Variants in ZNF536 observed in about 807,000 individuals in gnomAD.
ZNF536 encodes the protein zinc finger protein 536.
In ZNF536, 13 loss-of-function variants were observed where a neutral mutation model predicts 84.5. The observed-to-expected ratio is 0.15, with a 90% CI of 0.10 to 0.24. The LOEUF (loss-of-function observed/expected upper bound fraction) is 0.24, where lower values mean the gene tolerates loss of function less well. Ranked by LOEUF, ZNF536 falls within the 10% of genes least tolerant of loss-of-function variation. ZNF536 has a pLI of 1.00. For missense variants in ZNF536, 1,536 were observed against 1,747.5 expected, an observed-to-expected ratio of 0.88 and a Z score of 2.16; for synonymous variants, 811 against 742.5, an observed-to-expected ratio of 1.09 and a Z score of -1.50.
intron 2 of ZNF536, among the ~76,000 whole-genome samples, chr19:30,483,395 C>T (rs1482127330): frequency 6.6e-6 from 1 of 152,076 alleles, no homozygotes; most frequent in Non-Finnish European, 1.5e-5. Context: ...CCATTGGCAC[C>T]TCAAACTCAG....
chr19:30,712,338 CCTTT>C (rs1351268949), exon 2 of ZNF536: 1 of 151,722 alleles, frequency 6.6e-6, no homozygotes, highest in African/African-American at 2.4e-5. Flanking sequence ...TAACATACTT[CCTTT>C]GAGTGACATG....
At chr19:30,483,555 T>C (rs998577887) in intron 2 of ZNF536, among the ~76,000 whole-genome samples, 13 of 123,214 alleles carry the variant, frequency 1.1e-4, no homozygotes, top group African/African-American at 4.0e-4. Context: ...TCACACCCCT[T>C]GGAGACCCCT....
At chr19:30,268,316 T>A (rs963278632) in intron 1 of ZNF536, among the ~76,000 whole-genome samples, 8 of 152,208 alleles carry the variant, frequency 5.3e-5, no homozygotes, top group African/African-American at 1.9e-4. Flanking sequence ...GCTGTGCATC[T>A]GTGGTCAGTG....
At chr19:30,313,964 C>T (rs1400978560) in intron 2 of ZNF536, among the ~76,000 whole-genome samples, 1 of 152,216 alleles carries the variant, frequency 6.6e-6, no homozygotes, top group Non-Finnish European at 1.5e-5. Flanking sequence ...TAAGGAAGTT[C>T]ATCAAAGTCC....
chr19:30,600,669 C>T (rs941708058), intron 1 of ZNF536, among the ~76,000 whole-genome samples: 1 of 152,184 alleles, frequency 6.6e-6, no homozygotes, highest in Non-Finnish European at 1.5e-5. Flanking sequence ...ATAGCCTGGC[C>T]AGCACCCCTG....
chr19:30,555,705 A>G (rs1342947775), intron 4 of ZNF536: 1 of 152,254 alleles, frequency 6.6e-6, no homozygotes, highest in African/African-American at 2.4e-5. Flanking sequence ...TGAGGGCCGC[A>G]TATGTGCAGA....
At chr19:30,527,408 C>T (rs1288916272) in intron 2 of ZNF536, among the ~76,000 whole-genome samples, 3 of 151,862 alleles carry the variant, frequency 2.0e-5, no homozygotes, top group Non-Finnish European at 4.4e-5. Context: ...CCAGGGCTCA[C>T]CAGTGAGGTC....
intron 1 of ZNF536, among the ~76,000 whole-genome samples, chr19:30,401,924 A>G (rs2050062145): frequency 6.6e-6 from 1 of 152,270 alleles, no homozygotes; most frequent in Non-Finnish European, 1.5e-5. Context: ...TAGAAGCATC[A>G]TTAAATAAAG....
chr19:30,300,172 T>A (rs914824819), intron 2 of ZNF536, among the ~76,000 whole-genome samples: 2 of 152,226 alleles, frequency 1.3e-5, no homozygotes, highest in African/African-American at 4.8e-5. Context: ...CCATTGCAGA[T>A]GCCAAGAGCA....
chr19:30,631,082 C>T (rs751925650), intron 1 of ZNF536, among the ~76,000 whole-genome samples: 2 of 152,168 alleles, frequency 1.3e-5, no homozygotes, highest in Non-Finnish European at 2.9e-5. Flanking sequence ...GCTCCTGGAG[C>T]GGAGGCTGGG....
intron 1 of ZNF536, among the ~76,000 whole-genome samples, chr19:30,616,239 G>A (rs1249783940): frequency 1.3e-5 from 2 of 152,146 alleles, no homozygotes; most frequent in African/African-American, 2.4e-5. Flanking sequence ...TGGTGGAAGT[G>A]GACATCCTGT....
rs538783340 is a variant in ZNF536 at position 30,392,983 on chromosome 19, G to A, written c.-3+20427G>A. On this transcript the variant is annotated intron_variant, in intron 1 of 4. Coordinates refer to ENST00000355537, the MANE Select transcript of ZNF536 (RefSeq NM_014717.3). Reference sequence around the variant, plus strand: ...AAACCACTTCTGTATGATCTGTATGGCACAAGATGATAGCATTCATTCATT... The same window carrying A: ...AAACCACTTCTGTATGATCTGTATGACACAAGATGATAGCATTCATTCATT... 3.3e-4 allele frequency among the ~76,000 whole-genome samples: 51 copies of A among 152,268 alleles called. No individual in the cohort carries two copies. In the South Asian group the frequency reaches 4.4e-3, roughly 13 times the overall value.
In ZNF536 at chr19:30,624,584, G is replaced by A. The variant is rs75641182; in HGVS notation, c.169+75070G>A. On this transcript the variant is annotated intron_variant, in intron 1 of 1. Coordinates refer to the ZNF536 transcript ENST00000592773. ...AAAAGCCTGATCTCTATTGTAAAGT[G>A]CATTATTATTTCAGGCTTGTTCAGT... Among the ~76,000 whole-genome samples the A allele has an allele frequency of 9.5e-3, 1,450 of 152,272 alleles. 16 individuals are homozygous for A. Among genetic ancestry groups the A allele is most frequent in the African/African-American group, 0.033 (1,362 of 41,532 alleles).
chr19:30,327,636 A>C (rs1314617591), intron 2 of ZNF536, among the ~76,000 whole-genome samples: 2 of 152,178 alleles, frequency 1.3e-5, no homozygotes, highest in African/African-American at 4.8e-5. Context: ...TGAAGCAGCC[A>C]TGCACCCTTC....
chr19:30,361,812 A>AGGGTGGGGT, intron 3 of ZNF536, among the ~76,000 whole-genome samples: 1 of 2,302 alleles, frequency 4.3e-4, no homozygotes, highest in Middle Eastern at 0.056. Flanking sequence ...GGCGTCCTCC[A>AGGGTGGGGT]GGGTGGGGTG....
At chr19:30,480,852 A>G (rs2054051898) in intron 2 of ZNF536, among the ~76,000 whole-genome samples, 1 of 152,216 alleles carries the variant, frequency 6.6e-6, no homozygotes, top group Admixed American at 6.5e-5. Flanking sequence ...CCTGGCCAAC[A>G]TGGCGAAACA....
chr19:30,435,551 TA>T (rs1264115517), intron 1 of ZNF536, among the ~76,000 whole-genome samples: 1 of 151,722 alleles, frequency 6.6e-6, no homozygotes, highest in African/African-American at 2.4e-5. Flanking sequence ...ATGATGGTGA[TA>T]ATGGTGGTAA....
downstream of ZNF536, among the ~76,000 whole-genome samples, chr19:30,560,928 A>C (rs544848890): frequency 8.5e-5 from 13 of 152,360 alleles, no homozygotes; most frequent in African/African-American, 3.1e-4. Context: ...CGCATTTTCA[A>C]GGTTAAAGTT....
In ZNF536 at chr19:30,349,526, C is replaced by T. The variant is rs1342775861; in HGVS notation, c.-119-2842C>T. Among the ~76,000 whole-genome samples, 17 of 152,312 alleles carry T rather than the reference C, an allele frequency of 1.1e-4. 2 individuals carry two copies. The South Asian group carries it at 3.3e-3, about 30-fold the overall frequency. Reference sequence around the variant, plus strand: ...CACCTATGCCTCGGAGTCCCACCCACATTGAACCTCAACTCATGGCCAATG... The same window carrying T: ...CACCTATGCCTCGGAGTCCCACCCATATTGAACCTCAACTCATGGCCAATG... On this transcript the variant is annotated intron_variant, in intron 2 of 5. Coordinates refer to the ZNF536 transcript ENST00000585628.
Sources: allele counts gnomAD v4.1 joint callset (sites outside exome capture counted in the v4.1 genomes callset), GRCh38; gene constraint gnomAD v4.1.1; transcripts MANE v1.5; gene names NCBI Gene and HGNC (gene_info 2026-07-23, HGNC 2026-07-21).